The following ERC1 variants were observed in gnomAD, a reference collection of about 807,000 sequenced individuals.
ERC1 encodes the protein ELKS/RAB6-interacting/CAST family member 1.
A neutral mutation model predicts 132.0 loss-of-function variants in ERC1; 56 were observed. That is an observed-to-expected ratio of 0.42 (90% CI 0.34 to 0.53). ERC1 has a LOEUF of 0.53. Ranked by LOEUF, ERC1 falls within the 20% of genes least tolerant of loss-of-function variation. The pLI, the probability that ERC1 is intolerant of heterozygous loss-of-function variation, is 0.03. For synonymous variants in ERC1, 478 were observed against 476.1 expected (o/e 1.00, Z -0.05); for missense variants, 1,202 against 1,349.9 (o/e 0.89, Z 1.72).
Position 1,296,401 on chromosome 12 carries a change from C to CTTTTTTTTT in ERC1, c.2780+6410_2780+6418dup, listed in dbSNP as rs57458560. Reference sequence around the variant, plus strand: ...AGAAATGAAACATTTATTGGATAGTCTTTTTTTTTTTTTTTTTTTTTTTTT... The same window carrying CTTTTTTTTT: ...AGAAATGAAACATTTATTGGATAGTCTTTTTTTTTTTTTTTTTTTTTTTTTTTTTTTTTT... On this transcript the variant is annotated intron_variant, in intron 15 of 18. Coordinates refer to ENST00000360905, the MANE Select transcript of ERC1 (RefSeq NM_178040.4). 1.1e-3 allele frequency among the ~76,000 whole-genome samples: 86 copies of CTTTTTTTTT among 76,234 alleles called. 11 individuals are homozygous for CTTTTTTTTT. The highest frequency in any genetic ancestry group is 2.2e-3 in the South Asian group (4 of 1,816). The allele number at this position is 76,234 out of a possible 152,430, so 50.0% of individuals were successfully genotyped here.
chr12:1,248,436 G>C (rs1417259180), intron 13 of ERC1, among the ~76,000 whole-genome samples: 1 of 152,188 alleles, frequency 6.6e-6, no homozygotes, highest in Non-Finnish European at 1.5e-5. Flanking sequence ...AATTTAGGTA[G>C]TGACATCAGA....
chr12:1,217,052 A>G (rs965406073), intron 12 of ERC1, among the ~76,000 whole-genome samples: 3 of 152,366 alleles, frequency 2.0e-5, no homozygotes, highest in South Asian at 2.1e-4. Flanking sequence ...GCTTTGCTCC[A>G]TAAAAGTGCT....
chr12:1,285,931 AAG>A (rs2079014322), intron 14 of ERC1, among the ~76,000 whole-genome samples: 1 of 152,224 alleles, frequency 6.6e-6, no homozygotes, highest in South Asian at 2.1e-4. Context: ...GTACACAAAA[AAG>A]AAAAATGTGC....
chr12:1,117,714 A>G (rs1038703977), intron 7 of ERC1, among the ~76,000 whole-genome samples: 2 of 152,228 alleles, frequency 1.3e-5, no homozygotes, highest in African/African-American at 2.4e-5. Flanking sequence ...GCACATAGTA[A>G]AGTCTTTGTA....
chr12:1,488,594 G>A (rs909405249), intron 18 of ERC1, among the ~76,000 whole-genome samples: 3 of 152,172 alleles, frequency 2.0e-5, no homozygotes, highest in Non-Finnish European at 4.4e-5. Context: ...AGGAAACTGA[G>A]ACTCAGACAA....
rs756152952 is a variant in ERC1, at chr12:1,474,126, G to A, written c.3214-15967G>A. On this transcript the variant is annotated intron_variant, in intron 18 of 18. Transcript: ENST00000360905. The stretch of plus-strand genomic sequence containing the variant: ...CTTGTGGGCCAGACCTGGCCAGGAC[G>A]AGCACCATTTCCACTTGATCTGTCA... Among the ~76,000 whole-genome samples, 12 of 152,294 alleles carry A rather than the reference G, an allele frequency of 7.9e-5. No individual in the cohort carries two copies. In the East Asian group the frequency reaches 9.7e-4, roughly 12 times the overall value.
intron 1 of ERC1, among the ~76,000 whole-genome samples, chr12:1,000,754 C>T (rs1386735211): frequency 6.6e-6 from 1 of 152,072 alleles, no homozygotes; most frequent in Non-Finnish European, 1.5e-5. Flanking sequence ...GAGCAAGATT[C>T]TGTCTTAAAA....
Position 1,181,949 on chromosome 12 carries a change from G to T in ERC1, c.1900G>T (p.Glu634Ter). The change falls in exon 10 of 19, where the codon GAG (glutamate) becomes TAG (stop). Residue 634 changes from glutamate (E) to a stop codon, truncating the protein, a stop_gained. Transcript: ENST00000360905. LOFTEE classifies it high-confidence loss of function. ...GGAGCGGACAATTGAACGCTTAAAG[G>T]AGCAGAGGGACAGAGATGAGCGAGA... Reference protein sequence around the residue: ...EKERTIERLKEQRDRDEREKQ... With the variant: ...EKERTIERLK The T allele has an allele frequency of 6.2e-7, 1 of 1,613,936 alleles. No individual in the cohort carries two copies. Among genetic ancestry groups the T allele is most frequent in the South Asian group, 1.1e-5 (1 of 91,034 alleles).
intron 15 of ERC1, among the ~76,000 whole-genome samples, chr12:1,347,298 A>C (rs1384540686): frequency 6.6e-6 from 1 of 152,232 alleles, no homozygotes; most frequent in Non-Finnish European, 1.5e-5. Context: ...TGAAAAGGGA[A>C]GTAGAGATAA....
chr12:1,343,299 C>T (rs779855461), intron 15 of ERC1, among the ~76,000 whole-genome samples: 6 of 152,202 alleles, frequency 3.9e-5, no homozygotes, highest in Non-Finnish European at 7.3e-5. Flanking sequence ...ATTTTCCCCC[C>T]TTTTATCTGT....
At chr12:1,372,756 G>A (rs1029171761) in intron 16 of ERC1, among the ~76,000 whole-genome samples, 3 of 152,208 alleles carry the variant, frequency 2.0e-5, no homozygotes, top group Non-Finnish European at 2.9e-5. Context: ...TCCCAGTCAC[G>A]TTGTCTGTAC....
intron 7 of ERC1, among the ~76,000 whole-genome samples, chr12:1,123,060 G>T (rs184624783): frequency 1.3e-4 from 20 of 152,268 alleles, no homozygotes; most frequent in African/African-American, 4.6e-4. Context: ...TGCTTACGGT[G>T]GTGATGGGGT....
chr12:1,195,344 T>C (rs896005092), intron 12 of ERC1, among the ~76,000 whole-genome samples: 2 of 152,188 alleles, frequency 1.3e-5, no homozygotes, highest in Admixed American at 6.5e-5. Context: ...TAAACTTCAG[T>C]TTCTCCCTTT....
intron 18 of ERC1, among the ~76,000 whole-genome samples, chr12:1,478,705 T>C (rs1220902456): frequency 2.0e-5 from 3 of 151,750 alleles, no homozygotes; most frequent in East Asian, 1.9e-4. Context: ...AGGAGGATGG[T>C]GTGAACCCGG....
At chr12:1,030,580 TAGC>T (rs1967836700) in intron 2 of ERC1, among the ~76,000 whole-genome samples, 1 of 151,926 alleles carries the variant, frequency 6.6e-6, no homozygotes, top group African/African-American at 2.4e-5. Flanking sequence ...GAAAAAAAAT[TAGC>T]AGGGTTTTGT....
intron 18 of ERC1, among the ~76,000 whole-genome samples, chr12:1,474,377 A>ACCGTCCCTTCTTTATAC (rs2093928937): frequency 6.6e-6 from 1 of 152,234 alleles, no homozygotes; most frequent in African/African-American, 2.4e-5. Flanking sequence ...CCCTCTTGTA[A>ACCGTCCCTTCTTTATAC]CCGTCCCTTC....
chr12:1,311,321 A>G (rs2081287354), intron 15 of ERC1, among the ~76,000 whole-genome samples: 2 of 150,294 alleles, frequency 1.3e-5, no homozygotes, highest in Admixed American at 1.3e-4. Flanking sequence ...CTGTTGATAC[A>G]ACATTAAATT....
chr12:1,444,502 T>C (rs2093248232), intron 17 of ERC1, 60 bp from the exon 18 acceptor site: 2 of 1,265,376 alleles, frequency 1.6e-6, no homozygotes, highest in Middle Eastern at 2.1e-4. Context: ...GAACCTCTCA[T>C]TTCAGACTGA....
chr12:1,036,416 C>A (rs537185013), intron 2 of ERC1, among the ~76,000 whole-genome samples: 1 of 151,028 alleles, frequency 6.6e-6, no homozygotes, highest in Non-Finnish European at 1.5e-5. Flanking sequence ...CTCTTGTTGC[C>A]CAGCCTGGAG....
Sources: allele counts gnomAD v4.1 joint callset (sites outside exome capture counted in the v4.1 genomes callset), GRCh38; gene constraint gnomAD v4.1.1; transcripts MANE v1.5; gene names NCBI Gene and HGNC (gene_info 2026-07-23, HGNC 2026-07-21).